The following TTLL11 variants were observed in gnomAD, a reference collection of about 807,000 sequenced individuals.
The protein encoded by TTLL11 is tubulin tyrosine ligase like 11.
TTLL11 carries 42 observed loss-of-function variants against 51.7 expected under a neutral mutation model. That is an observed-to-expected ratio of 0.81 (90% CI 0.64 to 1.05). The LOEUF (loss-of-function observed/expected upper bound fraction) is 1.05. TTLL11 is among the 50% of genes least tolerant of loss of function. The pLI is 0.00. For synonymous variants in TTLL11, 381 were observed against 383.5 expected, an observed-to-expected ratio of 0.99 and a Z score of 0.08; for missense variants, 799 against 940.4, an observed-to-expected ratio of 0.85 and a Z score of 1.97.
chr9:121,823,975 G>A (rs1458815132), intron 8 of TTLL11, among the ~76,000 whole-genome samples: 1 of 152,102 alleles, frequency 6.6e-6, no homozygotes, highest in Non-Finnish European at 1.5e-5. Context: ...TGCAGCACCG[G>A]CTGCGACTTG....
At chr9:121,852,231 G>A (rs1031985563) in intron 8 of TTLL11, among the ~76,000 whole-genome samples, 5 of 152,238 alleles carry the variant, frequency 3.3e-5, no homozygotes, top group Admixed American at 2.6e-4. Flanking sequence ...AAGGATGGTG[G>A]TGGTTAGACA....
At chr9:121,898,066 C>T (rs1334340299) in intron 6 of TTLL11, among the ~76,000 whole-genome samples, 2 of 151,966 alleles carry the variant, frequency 1.3e-5, no homozygotes, top group Admixed American at 1.3e-4. Flanking sequence ...CTACAGGCAC[C>T]TGCCACCACA....
chr9:122,016,201 T>C (rs1403014476), intron 3 of TTLL11, among the ~76,000 whole-genome samples: 1 of 152,084 alleles, frequency 6.6e-6, no homozygotes, highest in Non-Finnish European at 1.5e-5. Context: ...AGAAAGAAGA[T>C]GGGTGCTCCA....
At position 122,052,679 on chromosome 9, in the gene TTLL11, G is replaced by A. The variant is rs117820803; in HGVS notation, c.463-13311C>T. Among the ~76,000 whole-genome samples the A allele has an allele frequency of 4.9e-3, 747 of 152,314 alleles. 5 individuals carry two copies. The highest frequency in any genetic ancestry group is 8.2e-3 in the Non-Finnish European group (557 of 68,030). ...CCCAAAAGAGCTAGGAGATGGGGGT[G>A]TTTTGCAGGACTAGCCTAAGTTTAA... On this transcript the variant is annotated intron_variant, in intron 1 of 8. Coordinates refer to ENST00000321582, the MANE Select transcript of TTLL11 (RefSeq NM_001139442.2).
chr9:121,841,148 A>G (rs1564267710), intron 8 of TTLL11, among the ~76,000 whole-genome samples: 1 of 152,130 alleles, frequency 6.6e-6, no homozygotes, highest in East Asian at 1.9e-4. Flanking sequence ...TGTTACAGGA[A>G]GGAGACACCA....
In TTLL11 at chr9:121,962,265, T is replaced by C. The variant is rs139509092; in HGVS notation, c.1481+11744A>G. On this transcript the variant is annotated intron_variant, in intron 6 of 8. Transcript: ENST00000321582. ...CAATAAGCACACATTACTTTCATAA[T>C]GAGGAAAACATTTTAATACGAAATG... is the stretch of plus-strand genomic sequence containing the variant. Among the ~76,000 whole-genome samples the C allele has an allele frequency of 2.6e-5, 4 of 152,258 alleles. No homozygotes were observed. The East Asian group carries it at 7.7e-4, about 29-fold the overall frequency.
chr9:121,850,906 C>T (rs1837649893), intron 8 of TTLL11, among the ~76,000 whole-genome samples: 1 of 152,154 alleles, frequency 6.6e-6, no homozygotes, highest in African/African-American at 2.4e-5. Context: ...TTTATAGTAG[C>T]TTTAATTATG....
Position 121,828,275 on chromosome 9 carries a change from C to T in TTLL11, c.1841-5396G>A, listed in dbSNP as rs566013483. On this transcript the variant is annotated intron_variant, in intron 8 of 8. Coordinates refer to ENST00000321582, the MANE Select transcript of TTLL11 (RefSeq NM_001139442.2). The stretch of plus-strand genomic sequence containing the variant: ...GCAACCTCCACCTCCCAGGTTCAAG[C>T]GATTCTCCTGCCTCAGCCTCCTGAG... Among the ~76,000 whole-genome samples the T allele has an allele frequency of 2.9e-4, 44 of 151,112 alleles. No homozygotes were observed. In the South Asian group the frequency reaches 9.0e-3, roughly 31 times the overall value.
At chr9:121,925,251 T>C (rs1840685133) in intron 6 of TTLL11, among the ~76,000 whole-genome samples, 1 of 152,156 alleles carries the variant, frequency 6.6e-6, no homozygotes. Flanking sequence ...AAAGTAGAAA[T>C]AAGAACCCAG....
intron 1 of TTLL11, among the ~76,000 whole-genome samples, chr9:122,077,888 AACC>A (rs1845901444): frequency 6.6e-6 from 1 of 151,894 alleles, no homozygotes; most frequent in Non-Finnish European, 1.5e-5. Context: ...AACATCCTCT[AACC>A]ACAATGAAAT....
intron 6 of TTLL11, among the ~76,000 whole-genome samples, chr9:121,912,869 T>C (rs1026643838): frequency 6.6e-6 from 1 of 151,748 alleles, no homozygotes; most frequent in Admixed American, 6.6e-5. Flanking sequence ...ATGAGGAACA[T>C]GAGATTTAGA....
At chr9:121,837,088 A>C (rs1837200883) in intron 8 of TTLL11, among the ~76,000 whole-genome samples, 1 of 152,176 alleles carries the variant, frequency 6.6e-6, no homozygotes, top group Non-Finnish European at 1.5e-5. Flanking sequence ...CCGTGTCAGC[A>C]TATATAGATC....
chr9:122,068,501 T>C lies in TTLL11; in HGVS notation c.462+24186A>G, dbSNP rs113616215. Among the ~76,000 whole-genome samples, 25 of 152,340 alleles carry C rather than the reference T, an allele frequency of 1.6e-4. 1 individual carries two copies. The highest frequency in any genetic ancestry group is 3.4e-3 in the Middle Eastern group (1 of 294). ...TAATAGTTATATTGTTGGATACTTA[T>C]TATGTACCATTGGGACTGTTCCAAC... On this transcript the variant is annotated intron_variant, in intron 1 of 8. Coordinates refer to ENST00000321582, the MANE Select transcript of TTLL11 (RefSeq NM_001139442.2).
At chr9:121,934,727 C>T (rs34485006) in intron 6 of TTLL11, among the ~76,000 whole-genome samples, 1 of 151,900 alleles carries the variant, frequency 6.6e-6, no homozygotes, top group African/African-American at 2.4e-5. Context: ...AGCCTTACTG[C>T]GCTTCGGTGG....
chr9:121,856,896 G>A (rs529819598), intron 8 of TTLL11, among the ~76,000 whole-genome samples: 117 of 152,308 alleles, frequency 7.7e-4, no homozygotes, highest in Non-Finnish European at 2.6e-4. Flanking sequence ...AAGGAAGAAC[G>A]ACCACTTAAC....
At chr9:122,079,542 T>C (rs1845945458) in intron 1 of TTLL11, among the ~76,000 whole-genome samples, 1 of 151,676 alleles carries the variant, frequency 6.6e-6, no homozygotes, top group Non-Finnish European at 1.5e-5. Flanking sequence ...AAACCCCGTC[T>C]ACTAAAAATA....
At chr9:122,063,885 C>A (rs1845500074) in intron 1 of TTLL11, among the ~76,000 whole-genome samples, 1 of 152,164 alleles carries the variant, frequency 6.6e-6, no homozygotes, top group African/African-American at 2.4e-5. Context: ...GAAGGAAGAG[C>A]CTATTAACAG....
intron 6 of TTLL11, among the ~76,000 whole-genome samples, chr9:121,887,960 C>T (rs562117876): frequency 5.3e-5 from 8 of 152,266 alleles, no homozygotes; most frequent in African/African-American, 1.9e-4. Context: ...CTTCCTGGCC[C>T]CGGGAGCCCA....
chr9:121,968,537 G>C (rs1376797710), intron 6 of TTLL11, among the ~76,000 whole-genome samples: 5 of 152,150 alleles, frequency 3.3e-5, no homozygotes, highest in Admixed American at 3.3e-4. Flanking sequence ...TTTCTTTCAT[G>C]TCCAGTAGAT....
Sources: gnomAD v4.1 joint callset for allele counts (sites outside exome capture counted in the v4.1 genomes callset) on GRCh38, gnomAD v4.1.1 for gene constraint, MANE v1.5 for transcripts, NCBI Gene and HGNC (gene_info 2026-07-23, HGNC 2026-07-21) for gene names.